RAI14: variants seen among roughly 807,000 people sequenced by gnomAD.
The protein encoded by RAI14 is ankycorbin.
In RAI14, 45 loss-of-function variants were observed where a neutral mutation model predicts 115.4. That is an observed-to-expected ratio of 0.39 (90% CI 0.31 to 0.50). The LOEUF (loss-of-function observed/expected upper bound fraction) is 0.50. Ranked by LOEUF, RAI14 falls within the 20% of genes least tolerant of loss-of-function variation. RAI14 has a pLI of 0.85. For missense variants in RAI14, 939 were observed against 1,131.2 expected (o/e 0.83, Z 2.44); for synonymous variants, 371 against 415.4 (o/e 0.89, Z 1.30).
intron 1 of RAI14, among the ~76,000 whole-genome samples, chr5:34,669,816 C>G (rs1743494542): frequency 6.6e-6 from 1 of 152,164 alleles, no homozygotes; most frequent in African/African-American, 2.4e-5. Flanking sequence ...TCTGCTTTTC[C>G]AAATTGTTGC....
At position 34,737,950 on chromosome 5, in the gene RAI14, A is replaced by C. The variant is rs920512609; in HGVS notation, c.37-19518A>C. ...TTAGAAAACCTGTCTGGTTTCTTAG[A>C]GTCATTCTGTTTTGCAGGAACAAAT... On this transcript the variant is annotated intron_variant, in intron 2 of 17. Coordinates refer to ENST00000265109, the MANE Select transcript of RAI14 (RefSeq NM_015577.3). Among the ~76,000 whole-genome samples the C allele has an allele frequency of 7.2e-5, 11 of 152,288 alleles. No individual in the cohort carries two copies. The South Asian group carries it at 1.2e-3, about 17-fold the overall frequency.
At chr5:34,671,993 C>T (rs934600850) in intron 1 of RAI14, among the ~76,000 whole-genome samples, 7 of 152,178 alleles carry the variant, frequency 4.6e-5, no homozygotes, top group Non-Finnish European at 1.0e-4. Flanking sequence ...TAAGCTCCTT[C>T]TTACCCAGTT....
At chr5:34,801,591 A>C (rs771113819) in intron 4 of RAI14, among the ~76,000 whole-genome samples, 15 of 152,126 alleles carry the variant, frequency 9.9e-5, no homozygotes, top group Admixed American at 4.6e-4. Context: ...AAATACAAAA[A>C]TTAGCCAGGC....
intron 2 of RAI14, among the ~76,000 whole-genome samples, chr5:34,733,591 G>C (rs1208656320): frequency 6.6e-6 from 1 of 152,146 alleles, no homozygotes; most frequent in Non-Finnish European, 1.5e-5. Context: ...CTTTCACCTA[G>C]AGCATCTGGA....
chr5:34,819,644 A>G (rs1281437469), intron 13 of RAI14, among the ~76,000 whole-genome samples: 1 of 152,226 alleles, frequency 6.6e-6, no homozygotes, highest in Non-Finnish European at 1.5e-5. Flanking sequence ...ATCCATTTAA[A>G]ATGTAGAAGA....
At chr5:34,732,047 C>T (rs1425896913) in intron 2 of RAI14, among the ~76,000 whole-genome samples, 1 of 152,180 alleles carries the variant, frequency 6.6e-6, no homozygotes, top group Non-Finnish European at 1.5e-5. Flanking sequence ...TGACCACAGG[C>T]CCTGGAAATG....
At position 34,822,562 on chromosome 5, in the gene RAI14, G is replaced by A. The variant is rs1756969706; in HGVS notation, c.1114-394G>A. ...CCCAGACTGTCTTTTTTCATGGCATGAGAATACACAGGCAAAGTGATCATG... is the reference window on the plus strand; with the variant it reads ...CCCAGACTGTCTTTTTTCATGGCATAAGAATACACAGGCAAAGTGATCATG... On this transcript the variant is annotated intron_variant, in intron 14 of 17. Coordinates refer to ENST00000265109, the MANE Select transcript of RAI14 (RefSeq NM_015577.3). 2.7e-5 allele frequency among the ~76,000 whole-genome samples: 4 copies of A among 148,838 alleles called. No individual in the cohort carries two copies. The South Asian group carries it at 8.7e-4, about 33-fold the overall frequency.
At chr5:34,753,430 T>C (rs1747405384) in intron 2 of RAI14, among the ~76,000 whole-genome samples, 1 of 152,176 alleles carries the variant, frequency 6.6e-6, no homozygotes, top group South Asian at 2.1e-4. Flanking sequence ...AAAGTGCTTA[T>C]TGAACATCTG....
intron 14 of RAI14, among the ~76,000 whole-genome samples, chr5:34,822,363 A>G (rs1378182266): frequency 2.7e-5 from 4 of 150,446 alleles, no homozygotes; most frequent in African/African-American, 9.7e-5. Flanking sequence ...AAGAAGAAAT[A>G]GCTGTACTAT....
At chr5:34,811,693 T>TAAA in intron 8 of RAI14, 74 bp from the exon 9 acceptor site, 4 of 1,352,832 alleles carry the variant, frequency 3.0e-6, no homozygotes, top group Non-Finnish European at 4.0e-6. Context: ...TCTCTTTTTT[T>TAAA]AAGACAACTG....
chr5:34,726,115 C>T (rs777454373), intron 2 of RAI14, among the ~76,000 whole-genome samples: 4 of 152,024 alleles, frequency 2.6e-5, no homozygotes, highest in African/African-American at 7.2e-5. Context: ...GTGGCTCATG[C>T]GTATAATCCC....
chr5:34,823,346 G>A lies in RAI14; in HGVS notation c.1504G>A (p.Val502Met). The A allele has an allele frequency of 1.2e-6, 2 of 1,614,006 alleles. No individual in the cohort carries two copies. The highest frequency in any genetic ancestry group is 1.7e-6 in the Non-Finnish European group (2 of 1,180,034). The change falls in exon 15 of 18, where the codon GTG (valine) becomes ATG (methionine). Residue 502 changes from valine (V) to methionine (M), a missense_variant. By Grantham distance (21) the Val-to-Met change is conservative. Coordinates refer to ENST00000265109, the MANE Select transcript of RAI14 (RefSeq NM_015577.3). The surrounding 1 kb of genome is among the most constrained non-coding windows in gnomAD (Gnocchi z 4.5). ...YEEAMKEVLS[V>M]QKQMKLGLVS... ...GGAGGCTATGAAAGAAGTCCTTAGT[G>A]TGCAGAAGCAGATGAAACTCGGTCT...
chr5:34,830,462 G>A (rs771738552), intron 17 of RAI14, among the ~76,000 whole-genome samples: 18 of 152,166 alleles, frequency 1.2e-4, no homozygotes, highest in African/African-American at 4.1e-4. Context: ...TTTTGCTGAG[G>A]GTTTTGGTAG....
intron 2 of RAI14, among the ~76,000 whole-genome samples, chr5:34,692,467 G>T (rs1469924556): frequency 6.6e-6 from 1 of 151,984 alleles, no homozygotes; most frequent in African/African-American, 2.4e-5. Flanking sequence ...CTGGGAAGCG[G>T]AGCTTGCAGT....
intron 2 of RAI14, among the ~76,000 whole-genome samples, chr5:34,722,541 C>A (rs1328478897): frequency 6.6e-6 from 1 of 151,896 alleles, no homozygotes; most frequent in Non-Finnish European, 1.5e-5. Flanking sequence ...TGGTGACAAG[C>A]AGAGAAATAC....
intron 1 of RAI14, among the ~76,000 whole-genome samples, chr5:34,681,177 G>A (rs1351975227): frequency 6.6e-6 from 1 of 152,196 alleles, no homozygotes; most frequent in African/African-American, 2.4e-5. Context: ...TTGACAGAAT[G>A]TATTTGTTTT....
At chr5:34,752,728 T>C (rs1212186437) in intron 2 of RAI14, among the ~76,000 whole-genome samples, 1 of 121,458 alleles carries the variant, frequency 8.2e-6, no homozygotes, top group Non-Finnish European at 1.7e-5. Flanking sequence ...TGTGTGTGTG[T>C]GTGTGTGTGT....
At chr5:34,725,962 C>CAAAAAAAAAAAAAAAAAAAAA (rs199657623) in intron 2 of RAI14, among the ~76,000 whole-genome samples, 1 of 113,744 alleles carries the variant, frequency 8.8e-6, no homozygotes. Context: ...AACTGCTTCT[C>CAAAAAAAAAAAAAAAAAAAAA]AAAAAAAAAA....
chr5:34,830,407 G>C (rs922599192), intron 17 of RAI14, among the ~76,000 whole-genome samples: 3 of 152,176 alleles, frequency 2.0e-5, no homozygotes, highest in African/African-American at 7.2e-5. Context: ...GATGCTTGGT[G>C]TTCTGGCTGC....
Sources: allele counts gnomAD v4.1 joint callset (sites outside exome capture counted in the v4.1 genomes callset), GRCh38; gene constraint gnomAD v4.1.1; non-coding constraint Gnocchi (gnomAD v3.1); transcripts MANE v1.5; gene names NCBI Gene and HGNC (gene_info 2026-07-23, HGNC 2026-07-21).